Variants in FRMD4A observed in about 807,000 individuals in gnomAD.
FRMD4A encodes the protein FERM domain-containing protein 4A.
In FRMD4A, 29 loss-of-function variants were observed where a neutral mutation model predicts 129.1. The observed-to-expected ratio is 0.22, with a 90% CI of 0.17 to 0.31. The LOEUF (loss-of-function observed/expected upper bound fraction) is 0.31, where lower values mean the gene tolerates loss of function less well. Among genes scored for constraint, FRMD4A ranks in the 10% least tolerant of loss-of-function variants. The probability of loss-of-function intolerance (pLI) is 1.00; values close to 1 mark genes in which losing one functional copy is unlikely to be tolerated. For synonymous variants in FRMD4A, 634 were observed against 571.6 expected, an observed-to-expected ratio of 1.11 and a Z score of -1.56; for missense variants, 1,272 against 1,375.8, an observed-to-expected ratio of 0.92 and a Z score of 1.19.
intron 9 of FRMD4A, among the ~76,000 whole-genome samples, chr10:13,747,127 C>T (rs2091331834): frequency 1.3e-5 from 2 of 150,642 alleles, no homozygotes; most frequent in Non-Finnish European, 1.5e-5. Flanking sequence ...CTCTCGAAGG[C>T]GGTGAAGCTT....
At chr10:13,958,837 G>A (rs1260066991) in intron 2 of FRMD4A, among the ~76,000 whole-genome samples, 2 of 151,944 alleles carry the variant, frequency 1.3e-5, no homozygotes, top group Non-Finnish European at 1.5e-5. Context: ...CACCTGCCTC[G>A]GCCTCCCAAA....
intron 2 of FRMD4A, among the ~76,000 whole-genome samples, chr10:14,178,360 T>G (rs190582403): frequency 6.6e-6 from 1 of 152,236 alleles, no homozygotes; most frequent in East Asian, 1.9e-4. Flanking sequence ...CCAATATTCA[T>G]TGAACATCCA....
chr10:14,128,528 C>T (rs1267580484), intron 2 of FRMD4A, among the ~76,000 whole-genome samples: 1 of 152,186 alleles, frequency 6.6e-6, no homozygotes, highest in African/African-American at 2.4e-5. Flanking sequence ...GCGCTCAAAT[C>T]TGATGCAAAA....
At chr10:14,169,935 C>T (rs1307325345) in intron 2 of FRMD4A, among the ~76,000 whole-genome samples, 1 of 152,152 alleles carries the variant, frequency 6.6e-6, no homozygotes, top group Non-Finnish European at 1.5e-5. Flanking sequence ...ATTTCTGGTT[C>T]ACAGAGTTCT....
chr10:13,651,931 G>A lies in FRMD4A; in HGVS notation c.3094C>T (p.Pro1032Ser). ...TATTCATCAGTACTTTGGTGAGGTGGAGACTCAGACCCATCCAGAATGGGT... is the reference window on the plus strand; with the variant it reads ...TATTCATCAGTACTTTGGTGAGGTGAAGACTCAGACCCATCCAGAATGGGT... ...NSPILDGSES[P>S]PHQSTDE Residue 1032 changes from proline to serine, a missense_variant, in exon 24 of 25, where the codon CCA becomes TCA. Physicochemically the swap from Pro to Ser is moderately conservative, Grantham distance 74. This residue lies in a region of FRMD4A where 972 missense variants were observed against 892.3 expected (regional missense o/e 1.09). Transcript: ENST00000357447. 1 of 1,595,860 alleles carries A rather than the reference G, an allele frequency of 6.3e-7. No individual in the cohort carries two copies. The highest frequency in any genetic ancestry group is 8.6e-7 in the Non-Finnish European group (1 of 1,163,270).
intron 2 of FRMD4A, among the ~76,000 whole-genome samples, chr10:14,195,153 AC>A (rs1199218946): frequency 6.6e-6 from 1 of 152,134 alleles, no homozygotes; most frequent in African/African-American, 2.4e-5. Context: ...AAAATAATCC[AC>A]CAGATTCCCT....
At chr10:13,906,681 C>A (rs750218238) in intron 2 of FRMD4A, among the ~76,000 whole-genome samples, 2 of 152,004 alleles carry the variant, frequency 1.3e-5, no homozygotes, top group Non-Finnish European at 2.9e-5. Flanking sequence ...TTAATGAGAC[C>A]CCGGGTGAAT....
At chr10:14,208,414 G>A (rs77428793) in intron 2 of FRMD4A, among the ~76,000 whole-genome samples, 4 of 152,048 alleles carry the variant, frequency 2.6e-5, no homozygotes, top group South Asian at 4.2e-4. Flanking sequence ...ACCCACTCCC[G>A]CCTTACTCAT....
At chr10:13,683,588 C>A (rs1159136443) in intron 15 of FRMD4A, among the ~76,000 whole-genome samples, 1 of 151,952 alleles carries the variant, frequency 6.6e-6, no homozygotes, top group Non-Finnish European at 1.5e-5. Flanking sequence ...CAGAGTGAGA[C>A]CCTGTCTCTA....
chr10:14,296,974 C>T (rs1846029915), intron 2 of FRMD4A, among the ~76,000 whole-genome samples: 1 of 152,166 alleles, frequency 6.6e-6, no homozygotes, highest in African/African-American at 2.4e-5. Flanking sequence ...AGCCCAGACA[C>T]AGCTTCTCAA....
At chr10:13,805,381 A>G (rs1464862851) in intron 4 of FRMD4A, among the ~76,000 whole-genome samples, 1 of 151,980 alleles carries the variant, frequency 6.6e-6, no homozygotes, top group Non-Finnish European at 1.5e-5. Flanking sequence ...TGGCTAACCA[A>G]GTTTCTTTTC....
chr10:14,097,983 TTATATAAATTATAG>T (rs1212803646), intron 2 of FRMD4A, among the ~76,000 whole-genome samples: 43 of 142,016 alleles, frequency 3.0e-4, no homozygotes, highest in Non-Finnish European at 4.8e-4. Flanking sequence ...AAATTATATA[TTATATAAATTATAG>T]ATTATATATA....
chr10:13,672,203 G>A (rs1204973189), intron 16 of FRMD4A, among the ~76,000 whole-genome samples: 1 of 152,130 alleles, frequency 6.6e-6, no homozygotes, highest in Non-Finnish European at 1.5e-5. Flanking sequence ...AAATGACCCC[G>A]TGGACTTTAT....
At chr10:13,971,509 G>A (rs759151937) in intron 2 of FRMD4A, 2 of 416,796 alleles carry the variant, frequency 4.8e-6, no homozygotes, top group Admixed American at 3.0e-5. Context: ...TAGAAGATGA[G>A]GCTCTGTTCA....
intron 2 of FRMD4A, among the ~76,000 whole-genome samples, chr10:13,901,578 C>T (rs533576520): frequency 6.8e-6 from 1 of 146,996 alleles, no homozygotes; most frequent in African/African-American, 2.5e-5. Flanking sequence ...CACTGCACTC[C>T]AGCATGGGCA....
chr10:13,767,908 T>G lies in FRMD4A; in HGVS notation c.385-5228A>C, dbSNP rs116850852. Reference sequence around the variant, plus strand: ...GGGCATGGAATAATTACTTTGAGACTCTAGAGAAGCCCAGGGCGATGCTGG... The same window carrying G: ...GGGCATGGAATAATTACTTTGAGACGCTAGAGAAGCCCAGGGCGATGCTGG... On this transcript the variant is annotated intron_variant, in intron 6 of 24. Transcript: ENST00000357447. Among the ~76,000 whole-genome samples the G allele has an allele frequency of 8.0e-3, 1,215 of 152,200 alleles. 10 individuals carry two copies. The highest frequency in any genetic ancestry group is 8.1e-3 in the Non-Finnish European group (548 of 68,006).
At chr10:14,081,505 A>G (rs1185927783) in intron 2 of FRMD4A, among the ~76,000 whole-genome samples, 1 of 152,220 alleles carries the variant, frequency 6.6e-6, no homozygotes, top group Non-Finnish European at 1.5e-5. Flanking sequence ...CAAGGAACTT[A>G]ACTTCTCATC....
At chr10:14,185,389 G>A (rs905862910) in intron 2 of FRMD4A, among the ~76,000 whole-genome samples, 1 of 152,306 alleles carries the variant, frequency 6.6e-6, no homozygotes, top group South Asian at 2.1e-4. Flanking sequence ...TCTGTAGAAT[G>A]TGCATGAAAA....
At chr10:14,095,077 T>G (rs1468132632) in intron 2 of FRMD4A, among the ~76,000 whole-genome samples, 9 of 152,184 alleles carry the variant, frequency 5.9e-5, no homozygotes, top group Admixed American at 5.9e-4. Context: ...ATTTTGAGTC[T>G]CTTATTGATG....
Sources: gnomAD v4.1 joint callset for allele counts (sites outside exome capture counted in the v4.1 genomes callset) on GRCh38, gnomAD v4.1.1 for gene constraint, gnomAD v4.1.1 regional missense constraint, MANE v1.5 for transcripts, NCBI Gene and HGNC (gene_info 2026-07-23, HGNC 2026-07-21) for gene names.